The following ANKRD11 variants were observed in gnomAD, a reference collection of about 807,000 sequenced individuals.
ANKRD11 encodes ankyrin repeat domain-containing protein 11.
ANKRD11 carries 17 observed loss-of-function variants against 195.7 expected under a neutral mutation model. The ratio of observed to expected loss-of-function variants is 0.09; its 90% CI spans 0.06 to 0.13. The LOEUF (loss-of-function observed/expected upper bound fraction) is 0.13. ANKRD11 is among the 10% of genes least tolerant of loss of function. The pLI is 1.00. For missense variants in ANKRD11, 3,735 were observed against 3,566.1 expected (o/e 1.05, Z -1.21); for synonymous variants, 1,953 against 1,528.1 (o/e 1.28, Z -6.49).
At chr16:89,353,877 G>A (rs1347347932) in intron 2 of ANKRD11, among the ~76,000 whole-genome samples, 1 of 152,214 alleles carries the variant, frequency 6.6e-6, no homozygotes, top group Admixed American at 6.5e-5. Flanking sequence ...ACAAGACAGA[G>A]CAGCCTCTGC....
intron 3 of ANKRD11, among the ~76,000 whole-genome samples, chr16:89,306,190 T>C (rs2036220413): frequency 1.2e-5 from 1 of 84,916 alleles, no homozygotes; most frequent in Non-Finnish European, 2.2e-5. Flanking sequence ...GCCACCTACC[T>C]CCCACTCCGC....
rs139814582 is a variant in ANKRD11 at position 89,281,552 on chromosome 16, C to T, written c.4990G>A (p.Ala1664Thr). 38 of 1,614,040 alleles carry T rather than the reference C, an allele frequency of 2.4e-5. No homozygotes were observed. The highest frequency in any genetic ancestry group is 1.1e-4 in the South Asian group (10 of 91,076). ...GATGCTGGGTGTAGCTTATTTTCCG[C>T]GGCAGGTGGAATAGGAGTCGACTCT... ...LKESTPIPPA[A>T]ENKLHPASGA... Residue 1664 changes from alanine (A) to threonine (T), a missense_variant, in exon 9 of 13, where the codon GCG becomes ACG. Coordinates refer to ENST00000301030, the MANE Select transcript of ANKRD11 (RefSeq NM_013275.6). The surrounding 1 kb of genome is among the most constrained non-coding windows in gnomAD (Gnocchi z 5.5).
intron 1 of ANKRD11, among the ~76,000 whole-genome samples, chr16:89,476,048 T>A: frequency 7.1e-6 from 1 of 141,576 alleles, no homozygotes; most frequent in African/African-American, 2.6e-5. Context: ...CGAGACTGTG[T>A]CTCAAAAAAA....
chr16:89,386,028 C>T (rs937321777), intron 2 of ANKRD11, among the ~76,000 whole-genome samples: 2 of 152,228 alleles, frequency 1.3e-5, no homozygotes, highest in African/African-American at 2.4e-5. Context: ...CACGGGTGTG[C>T]GCCGCCATGC....
chr16:89,445,741 G>A (rs191973446), intron 1 of ANKRD11, among the ~76,000 whole-genome samples: 4 of 152,132 alleles, frequency 2.6e-5, no homozygotes, highest in East Asian at 1.9e-4. Context: ...TTGGGAGGCT[G>A]AGGCAGGCAG....
intron 1 of ANKRD11, among the ~76,000 whole-genome samples, chr16:89,484,563 A>C (rs1367909233): frequency 1.2e-4 from 19 of 152,210 alleles, no homozygotes; most frequent in Admixed American, 1.2e-3. Context: ...CCTAAGTCTG[A>C]AAAGAGCCAT....
rs116538155 is a variant in ANKRD11, at chr16:89,296,302, G to A, written c.227-5119C>T. On this transcript the variant is annotated intron_variant, in intron 4 of 12. Transcript: ENST00000301030. ...GAACCTTGAAAAGCCCTCTGCTGCC[G>A]GCCTCTGGAGCCACCGTCTCCCTGC... is the stretch of plus-strand genomic sequence containing the variant. Among the ~76,000 whole-genome samples, 815 of 152,010 alleles carry A rather than the reference G, an allele frequency of 5.4e-3. 10 individuals carry two copies. Among genetic ancestry groups the A allele is most frequent in the African/African-American group, 0.019 (767 of 41,442 alleles).
chr16:89,391,337 G>A (rs917360736), intron 2 of ANKRD11, among the ~76,000 whole-genome samples: 4 of 152,204 alleles, frequency 2.6e-5, no homozygotes, highest in Non-Finnish European at 4.4e-5. Flanking sequence ...CTTGCGGTGG[G>A]TGCTGGAGTG....
At chr16:89,488,075 G>A (rs1224522026) in intron 1 of ANKRD11, among the ~76,000 whole-genome samples, 1 of 152,090 alleles carries the variant, frequency 6.6e-6, no homozygotes, top group Non-Finnish European at 1.5e-5. Context: ...AGGTTTTAAA[G>A]GTGACACCTT....
intron 2 of ANKRD11, among the ~76,000 whole-genome samples, chr16:89,339,411 C>T (rs1033818792): frequency 1.1e-4 from 17 of 152,152 alleles, no homozygotes; most frequent in Admixed American, 2.0e-4. Flanking sequence ...GAAAGCTGGT[C>T]GGTAGCATCA....
intron 1 of ANKRD11, among the ~76,000 whole-genome samples, chr16:89,419,566 G>T (rs1239287451): frequency 1.3e-5 from 2 of 151,946 alleles, no homozygotes; most frequent in African/African-American, 4.8e-5. Context: ...CTATACCCAT[G>T]TTACTTCAGT....
chr16:89,476,039 G>A (rs1331462777), intron 1 of ANKRD11, among the ~76,000 whole-genome samples: 1 of 148,132 alleles, frequency 6.8e-6, no homozygotes, highest in Non-Finnish European at 1.5e-5. Context: ...GTGATAGAGC[G>A]AGACTGTGTC....
chr16:89,413,258 A>G (rs2042167269), intron 2 of ANKRD11, among the ~76,000 whole-genome samples: 1 of 152,224 alleles, frequency 6.6e-6, no homozygotes, highest in African/African-American at 2.4e-5. Flanking sequence ...TGGCATAATT[A>G]CTACGCATAT....
chr16:89,487,437 A>G (rs1394150293), intron 1 of ANKRD11, among the ~76,000 whole-genome samples: 5 of 152,358 alleles, frequency 3.3e-5, no homozygotes, highest in African/African-American at 7.2e-5. Flanking sequence ...GACTCCTCTT[A>G]TATTTGATGA....
chr16:89,331,016 C>T (rs2038037655), intron 2 of ANKRD11, among the ~76,000 whole-genome samples: 1 of 152,068 alleles, frequency 6.6e-6, no homozygotes, highest in Admixed American at 6.5e-5. Flanking sequence ...TGCAATGGTG[C>T]CATCTCGGCT....
Position 89,291,342 on chromosome 16 carries a change from G to A in ANKRD11, c.227-159C>T, listed in dbSNP as rs2035051511. 6.6e-6 allele frequency among the ~76,000 whole-genome samples: 1 copy of A among 152,184 alleles called. No homozygotes were observed. Among genetic ancestry groups the A allele is most frequent in the African/African-American group, 2.4e-5 (1 of 41,436 alleles). ...TATGGGGAAAGCACAGCGGTGCTGG[G>A]AGCATTGGTGCCGCCCACCTCACCT... is the stretch of plus-strand genomic sequence containing the variant. On this transcript the variant is annotated intron_variant, in intron 4 of 12. Coordinates refer to ENST00000301030, the MANE Select transcript of ANKRD11 (RefSeq NM_013275.6). The surrounding 1 kb of genome is among the most constrained non-coding windows in gnomAD (Gnocchi z 5.3).
In ANKRD11 at chr16:89,438,287, C is replaced by T. The variant is rs149944869; in HGVS notation, c.-144-19919G>A. Reference sequence around the variant, plus strand: ...GCAAAAGTACAAAATGTGCAGAAGGCGTAGGAAGCTATCTTTATGGCCTTG... The same window carrying T: ...GCAAAAGTACAAAATGTGCAGAAGGTGTAGGAAGCTATCTTTATGGCCTTG... On this transcript the variant is annotated intron_variant, in intron 1 of 12. Transcript: ENST00000301030. Among the ~76,000 whole-genome samples, 10 of 151,848 alleles carry T rather than the reference C, an allele frequency of 6.6e-5. No individual in the cohort carries two copies. In the East Asian group the frequency reaches 7.8e-4, roughly 12 times the overall value.
At chr16:89,467,608 C>T (rs995429463) in intron 1 of ANKRD11, among the ~76,000 whole-genome samples, 4 of 149,184 alleles carry the variant, frequency 2.7e-5, no homozygotes, top group Non-Finnish European at 6.0e-5. Context: ...TCAAGTGATC[C>T]CCCGCCTTGG....
chr16:89,480,483 A>G (rs1403154327), intron 1 of ANKRD11, among the ~76,000 whole-genome samples: 1 of 152,170 alleles, frequency 6.6e-6, no homozygotes, highest in Non-Finnish European at 1.5e-5. Context: ...TCTCAAAAAA[A>G]AAGAAAAAAA....
Sources: gnomAD v4.1 joint callset for allele counts (sites outside exome capture counted in the v4.1 genomes callset) on GRCh38, gnomAD v4.1.1 for gene constraint, Gnocchi (gnomAD v3.1) non-coding constraint, MANE v1.5 for transcripts, NCBI Gene and HGNC (gene_info 2026-07-23, HGNC 2026-07-21) for gene names.